The following NRG3 variants were observed in gnomAD, a reference collection of about 807,000 sequenced individuals.
NRG3 encodes the protein pro-neuregulin-3, membrane-bound isoform.
A neutral mutation model predicts 66.9 loss-of-function variants in NRG3; 31 were observed. That is an observed-to-expected ratio of 0.46 (90% CI 0.35 to 0.63). The LOEUF (loss-of-function observed/expected upper bound fraction) is 0.63. NRG3 is among the 20% of genes least tolerant of loss of function. The probability of loss-of-function intolerance (pLI) is 0.00; values close to 1 mark genes in which losing one functional copy is unlikely to be tolerated. For missense variants in NRG3, 910 were observed against 878.9 expected (o/e 1.04, Z -0.45); for synonymous variants, 393 against 359.4 (o/e 1.09, Z -1.06).
intron 2 of NRG3, among the ~76,000 whole-genome samples, chr10:82,615,683 C>G (rs2048600607): frequency 6.6e-6 from 1 of 152,158 alleles, no homozygotes; most frequent in Non-Finnish European, 1.5e-5. Context: ...GGATTCTTCA[C>G]TTCTACATCT....
intron 1 of NRG3, among the ~76,000 whole-genome samples, chr10:82,221,742 A>G (rs1484381645): frequency 6.6e-6 from 1 of 152,192 alleles, no homozygotes; most frequent in Non-Finnish European, 1.5e-5. Context: ...GGCTCTGATG[A>G]ATGATCTCTT....
chr10:82,031,579 A>C lies in NRG3; in HGVS notation c.823+155416A>C, dbSNP rs2062569546. On this transcript the variant is annotated intron_variant, in intron 1 of 8. Coordinates refer to ENST00000372141, the MANE Select transcript of NRG3 (RefSeq NM_001010848.4). ...TTTCTAAAAAAATTCTTTTTTTAACAAAAGGAATTGAAAACCACATGATAT... is the reference window on the plus strand; with the variant it reads ...TTTCTAAAAAAATTCTTTTTTTAACCAAAGGAATTGAAAACCACATGATAT... Among the ~76,000 whole-genome samples the C allele has an allele frequency of 1.3e-5, 2 of 152,106 alleles. 1 individual carries two copies. Among genetic ancestry groups the C allele is most frequent in the South Asian group, 4.1e-4 (2 of 4,828 alleles).
chr10:82,723,350 C>T (rs2057412325), intron 2 of NRG3, among the ~76,000 whole-genome samples: 1 of 152,242 alleles, frequency 6.6e-6, no homozygotes, highest in South Asian at 2.1e-4. Context: ...GGTTGAAAAA[C>T]TAACTATTGG....
intron 1 of NRG3, among the ~76,000 whole-genome samples, chr10:81,958,594 T>C (rs1850058611): frequency 6.6e-6 from 1 of 152,260 alleles, no homozygotes; most frequent in Non-Finnish European, 1.5e-5. Context: ...AGTACAGATA[T>C]ACATATAACA....
intron 1 of NRG3, among the ~76,000 whole-genome samples, chr10:82,350,804 G>T (rs980169406): frequency 3.3e-5 from 5 of 152,058 alleles, no homozygotes; most frequent in African/African-American, 1.2e-4. Context: ...GCTAGAAAGG[G>T]TTTATCAATC....
At chr10:82,112,234 C>A (rs1035734709) in intron 1 of NRG3, among the ~76,000 whole-genome samples, 3 of 152,106 alleles carry the variant, frequency 2.0e-5, no homozygotes, top group Non-Finnish European at 4.4e-5. Flanking sequence ...CAGAGTGAGA[C>A]CCTGTCTTAA....
chr10:82,096,861 G>T (rs1435542364), intron 1 of NRG3, among the ~76,000 whole-genome samples: 2 of 152,000 alleles, frequency 1.3e-5, no homozygotes, highest in Admixed American at 6.6e-5. Context: ...ATTGCAAAAG[G>T]TATTAAAATA....
At chr10:82,260,620 CAG>C (rs2077976163) in intron 1 of NRG3, among the ~76,000 whole-genome samples, 1 of 152,134 alleles carries the variant, frequency 6.6e-6, no homozygotes. Context: ...GCTAGAGAAG[CAG>C]AGTGAGAATG....
chr10:82,837,606 G>A (rs1381027483), intron 3 of NRG3, among the ~76,000 whole-genome samples: 1 of 152,170 alleles, frequency 6.6e-6, no homozygotes, highest in African/African-American at 2.4e-5. Flanking sequence ...GACAAAGAAT[G>A]AAATGTGTGC....
chr10:82,132,479 G>GATATATATATGATATATATATATATC (rs1491227241), intron 1 of NRG3, among the ~76,000 whole-genome samples: 6 of 62,498 alleles, frequency 9.6e-5, no homozygotes, highest in Non-Finnish European at 1.9e-4. Flanking sequence ...ATATATATAT[G>GATATATATATGATATATATATATATC]ATATATATAT....
chr10:82,745,856 A>G (rs747887141), intron 3 of NRG3, among the ~76,000 whole-genome samples: 2 of 152,086 alleles, frequency 1.3e-5, no homozygotes, highest in African/African-American at 2.4e-5. Flanking sequence ...CATATTTTCT[A>G]CTTTTTCTGT....
intron 1 of NRG3, among the ~76,000 whole-genome samples, chr10:82,317,203 ATTTT>A (rs557938157): frequency 3.5e-5 from 5 of 142,552 alleles, no homozygotes; most frequent in African/African-American, 1.0e-4. Context: ...GGTAGAATAG[ATTTT>A]TTTTTTTTTT....
intron 1 of NRG3, among the ~76,000 whole-genome samples, chr10:82,076,033 C>T (rs773969977): frequency 2.6e-5 from 4 of 151,464 alleles, no homozygotes; most frequent in Admixed American, 6.6e-5. Context: ...CTAAGTGAAA[C>T]GATAGGGGTC....
intron 2 of NRG3, among the ~76,000 whole-genome samples, chr10:82,381,041 A>G (rs938815157): frequency 7.2e-5 from 11 of 152,170 alleles, no homozygotes; most frequent in Admixed American, 6.5e-4. Context: ...AAGATGCAGT[A>G]TGATTTCTGT....
chr10:82,294,817 T>G (rs1195934871), intron 1 of NRG3, among the ~76,000 whole-genome samples: 1 of 152,184 alleles, frequency 6.6e-6, no homozygotes, highest in African/African-American at 2.4e-5. Context: ...ACTTGAGGAA[T>G]GCAAATATTT....
At chr10:82,302,332 TCCATTCCTAG>T (rs2080450641) in intron 1 of NRG3, among the ~76,000 whole-genome samples, 1 of 152,132 alleles carries the variant, frequency 6.6e-6, no homozygotes. Context: ...AATTTAAACG[TCCATTCCTAG>T]CCACAATTTA....
At chr10:82,909,141 A>G (rs978019501) in intron 4 of NRG3, among the ~76,000 whole-genome samples, 2 of 152,216 alleles carry the variant, frequency 1.3e-5, no homozygotes, top group African/African-American at 2.4e-5. Flanking sequence ...AAACCATGCA[A>G]TTTCACCTGC....
At chr10:82,799,310 C>T (rs994678648) in intron 3 of NRG3, among the ~76,000 whole-genome samples, 5 of 152,024 alleles carry the variant, frequency 3.3e-5, no homozygotes, top group Admixed American at 1.3e-4. Flanking sequence ...GGCGGATCAC[C>T]GAAGTCAGGA....
intron 2 of NRG3, among the ~76,000 whole-genome samples, chr10:82,427,682 C>T (rs1386290187): frequency 5.9e-5 from 9 of 152,016 alleles, no homozygotes; most frequent in Admixed American, 2.6e-4. Context: ...CTTGTGAGGT[C>T]TTTCTTGCTT....
Sources: gnomAD v4.1 joint callset for allele counts (sites outside exome capture counted in the v4.1 genomes callset) on GRCh38, gnomAD v4.1.1 for gene constraint, MANE v1.5 for transcripts, NCBI Gene and HGNC (gene_info 2026-07-23, HGNC 2026-07-21) for gene names.